Variants in KLHL12 observed in about 807,000 individuals in gnomAD.
The protein encoded by KLHL12 is kelch like family member 12.
Under a neutral mutation model 60.8 loss-of-function variants are expected in KLHL12, and 17 were observed. That is an observed-to-expected ratio of 0.28 (90% CI 0.19 to 0.42). The LOEUF is 0.42. KLHL12 is among the 10% of genes least tolerant of loss of function. The probability of loss-of-function intolerance (pLI) is 1.00; values close to 1 mark genes in which losing one functional copy is unlikely to be tolerated. For missense variants in KLHL12, 468 were observed against 722.3 expected, an observed-to-expected ratio of 0.65 and a Z score of 4.04; for synonymous variants, 220 against 250.9, an observed-to-expected ratio of 0.88 and a Z score of 1.16.
chr1:202,910,023 T>C (rs1218664429), intron 5 of KLHL12, among the ~76,000 whole-genome samples: 1 of 152,202 alleles, frequency 6.6e-6, no homozygotes, highest in African/African-American at 2.4e-5. Context: ...AAATGGCACC[T>C]CTATTAACCT....
intron 8 of KLHL12, 128 bp from the exon 9 acceptor site, chr1:202,894,877 A>G (rs1010693685): frequency 1.4e-6 from 1 of 720,050 alleles, no homozygotes; most frequent in Non-Finnish European, 2.3e-6. Flanking sequence ...AAATGAGATA[A>G]GTCAATTAAG....
At chr1:202,910,917 G>T in intron 5 of KLHL12, 137 bp downstream of exon 5, 1 of 913,020 alleles carries the variant, frequency 1.1e-6, no homozygotes, top group Non-Finnish European at 1.7e-6. Flanking sequence ...GGACTACCCA[G>T]CACCACTCTC....
upstream of KLHL12, among the ~76,000 whole-genome samples, chr1:202,927,705 C>A (rs866506148): frequency 1.3e-4 from 14 of 103,716 alleles, no homozygotes; most frequent in Middle Eastern, 0.011. Context: ...AATGTCCAGG[C>A]GTGGTGGCTC....
intron 1 of KLHL12, among the ~76,000 whole-genome samples, chr1:202,925,539 A>C (rs1653497353): frequency 1.3e-5 from 2 of 152,228 alleles, no homozygotes; most frequent in South Asian, 4.1e-4. Context: ...AACCGAAAAT[A>C]TAAAATTTCT....
At chr1:202,920,675 C>CA (rs1266133902) in intron 2 of KLHL12, among the ~76,000 whole-genome samples, 1 of 151,956 alleles carries the variant, frequency 6.6e-6, no homozygotes, top group African/African-American at 2.4e-5. Flanking sequence ...CGCGCCCGGC[C>CA]AATTTTGTTG....
In KLHL12 at chr1:202,895,940, C is replaced by T. The variant is rs1369579650; in HGVS notation, c.940-223G>A. Among the ~76,000 whole-genome samples the T allele has an allele frequency of 6.6e-6, 1 of 151,970 alleles. No individual in the cohort carries two copies. The highest frequency in any genetic ancestry group is 1.5e-5 in the Non-Finnish European group (1 of 68,024). The stretch of plus-strand genomic sequence containing the variant: ...AAGATACAAGCTTTCTGCATCTCTG[C>T]CTCTTTCCAAGGCTTCCAAAAGATT... On this transcript the variant is annotated intron_variant, in intron 7 of 11. Transcript: ENST00000367261. This position sits in a 1 kb window ranked among gnomAD's most constrained non-coding sequence, Gnocchi z 4.2.
Position 202,905,865 on chromosome 1 carries a change from C to G in KLHL12, c.832+3145G>C, listed in dbSNP as rs541862985. Among the ~76,000 whole-genome samples, 3 of 148,742 alleles carry G rather than the reference C, an allele frequency of 2.0e-5. No homozygotes were observed. The East Asian group carries it at 6.3e-4, about 31-fold the overall frequency. On this transcript the variant is annotated intron_variant, in intron 6 of 11. Coordinates refer to ENST00000367261, the MANE Select transcript of KLHL12 (RefSeq NM_021633.4). ...TGTCGCCCAGGCTGGAGTGCAGTGG[C>G]GTGATCTCAGCTTACTGCAGGCTCC...
chr1:202,927,032 C>G, intron 1 of KLHL12, 57 bp downstream of exon 1: 2 of 981,320 alleles, frequency 2.0e-6, no homozygotes, highest in Non-Finnish European at 2.4e-6. Context: ...GGGCCATAAC[C>G]CGGAGTTGAC....
rs192587680 is a variant in KLHL12 at position 202,897,509 on chromosome 1, T to G, written c.833-549A>C. Among the ~76,000 whole-genome samples, 29 of 151,514 alleles carry G rather than the reference T, an allele frequency of 1.9e-4. No individual in the cohort carries two copies. In the East Asian group the frequency reaches 5.3e-3, roughly 28 times the overall value. On this transcript the variant is annotated intron_variant, in intron 6 of 11. Coordinates refer to ENST00000367261, the MANE Select transcript of KLHL12 (RefSeq NM_021633.4). ...AAAGTGCTGGGATTACAGGTGTGAG[T>G]CACTGTGCCCGGCAACACTGCACCA...
At chr1:202,924,265 T>C (rs2102461815) in intron 2 of KLHL12, among the ~76,000 whole-genome samples, 1 of 152,370 alleles carries the variant, frequency 6.6e-6, no homozygotes, top group East Asian at 1.9e-4. Flanking sequence ...TAACATCCTT[T>C]CTCAGGTTAT....
At chr1:202,907,474 C>A (rs1021798024) in intron 6 of KLHL12, among the ~76,000 whole-genome samples, 1 of 151,210 alleles carries the variant, frequency 6.6e-6, no homozygotes, top group Admixed American at 6.6e-5. Flanking sequence ...TGGTGGCAGT[C>A]GCCTGTTGTC....
At chr1:202,913,876 T>C (rs1410785271) in intron 4 of KLHL12, among the ~76,000 whole-genome samples, 7 of 152,266 alleles carry the variant, frequency 4.6e-5, no homozygotes, top group Middle Eastern at 6.8e-3. Context: ...AAAATCAGCT[T>C]CTCAGTTGCA....
intron 4 of KLHL12, among the ~76,000 whole-genome samples, chr1:202,915,331 T>C (rs1436142625): frequency 6.6e-6 from 1 of 152,196 alleles, no homozygotes; most frequent in Non-Finnish European, 1.5e-5. Context: ...TTAAGTACTA[T>C]TATTTTATTT....
At chr1:202,926,753 A>C (rs1489746057) in intron 1 of KLHL12, among the ~76,000 whole-genome samples, 1 of 152,148 alleles carries the variant, frequency 6.6e-6, no homozygotes, top group East Asian at 1.9e-4. Flanking sequence ...TAACATCTGA[A>C]TGGAGGGATT....
intron 2 of KLHL12, among the ~76,000 whole-genome samples, chr1:202,921,639 T>G (rs1396464414): frequency 6.6e-6 from 1 of 152,250 alleles, no homozygotes; most frequent in Admixed American, 6.5e-5. Flanking sequence ...TTGTTAGTAG[T>G]ATATCTTCTT....
chr1:202,908,946 T>A, intron 6 of KLHL12, 64 bp downstream of exon 6: 2 of 1,016,954 alleles, frequency 2.0e-6, no homozygotes, highest in South Asian at 1.3e-5. Flanking sequence ...TATTTTCAAC[T>A]ATGTTGTCAC....
At chr1:202,919,961 G>A in intron 2 of KLHL12, 53 bp from the exon 3 acceptor site, 3 of 1,432,754 alleles carry the variant, frequency 2.1e-6, no homozygotes, top group Non-Finnish European at 2.9e-6. Context: ...ACAAGATAAA[G>A]GCAGAATCTC....
chr1:202,926,600 T>A lies in KLHL12; in HGVS notation c.-46+489A>T, dbSNP rs574706807. Among the ~76,000 whole-genome samples the A allele has an allele frequency of 4.6e-5, 7 of 150,860 alleles. 1 individual carries two copies. The highest frequency in any genetic ancestry group is 1.7e-4 in the African/African-American group (7 of 41,036). Reference sequence around the variant, plus strand: ...TTTACTATGAAGACAGCCCGGGGGGTCTTTTATCGTTTCCGTGTCAAAATG... The same window carrying A: ...TTTACTATGAAGACAGCCCGGGGGGACTTTTATCGTTTCCGTGTCAAAATG... On this transcript the variant is annotated intron_variant, in intron 1 of 11. Transcript: ENST00000367261.
At chr1:202,903,676 G>A (rs1200284797) in intron 6 of KLHL12, among the ~76,000 whole-genome samples, 1 of 138,370 alleles carries the variant, frequency 7.2e-6, no homozygotes, top group Non-Finnish European at 1.5e-5. Flanking sequence ...AGGCTGGAGT[G>A]CAGTGGTGTG....
Sources: gnomAD v4.1 joint callset for allele counts (sites outside exome capture counted in the v4.1 genomes callset) on GRCh38, gnomAD v4.1.1 for gene constraint, Gnocchi (gnomAD v3.1) non-coding constraint, MANE v1.5 for transcripts, NCBI Gene and HGNC (gene_info 2026-07-23, HGNC 2026-07-21) for gene names.